The following ZFP64 variants were observed in gnomAD, a reference collection of about 807,000 sequenced individuals.
The protein encoded by ZFP64 is ZFP64 zinc finger protein.
Under a neutral mutation model 51.6 loss-of-function variants are expected in ZFP64, and 14 were observed. The observed-to-expected ratio is 0.27, with a 90% CI of 0.18 to 0.42. ZFP64 has a LOEUF of 0.42. Among genes scored for constraint, ZFP64 ranks in the 10% least tolerant of loss-of-function variants. The pLI, the probability that ZFP64 is intolerant of heterozygous loss-of-function variation, is 1.00. For missense variants in ZFP64, 754 were observed against 906.8 expected (o/e 0.83, Z 2.16); for synonymous variants, 375 against 361.4 (o/e 1.04, Z -0.43).
chr20:52,103,509 C>T (rs887398317), intron 5 of ZFP64, among the ~76,000 whole-genome samples: 11 of 152,186 alleles, frequency 7.2e-5, no homozygotes, highest in Non-Finnish European at 1.5e-4. Context: ...CCTCAGTACT[C>T]CAGGACGCAC....
At chr20:52,097,220 C>T (rs2078998052) in intron 7 of ZFP64, 1 of 881,534 alleles carries the variant, frequency 1.1e-6, no homozygotes, top group Non-Finnish European at 1.9e-6. Flanking sequence ...TGTCACAGCC[C>T]TTTTGCTCCT....
chr20:52,133,566 G>T (rs937141445), intron 5 of ZFP64, among the ~76,000 whole-genome samples: 1 of 152,156 alleles, frequency 6.6e-6, no homozygotes, highest in Non-Finnish European at 1.5e-5. Flanking sequence ...TACGCCAACA[G>T]TGAACAATCT....
At chr20:52,133,227 C>T (rs115523244) in intron 5 of ZFP64, among the ~76,000 whole-genome samples, 9 of 152,068 alleles carry the variant, frequency 5.9e-5, no homozygotes, top group Admixed American at 1.3e-4. Flanking sequence ...TAGCCATATA[C>T]GACAGACCCA....
Position 52,104,570 on chromosome 20 carries a change from G to A in ZFP64, c.764-5983C>T, listed in dbSNP as rs1338779997. 9 of 386,012 alleles carry A rather than the reference G, an allele frequency of 2.3e-5. No individual in the cohort carries two copies. The East Asian group carries it at 5.8e-4, about 25-fold the overall frequency. The allele number at this position is 386,012 out of a possible 1,614,324, so 23.9% of individuals were successfully genotyped here. A position where few individuals can be genotyped will look rare whatever the true frequency, so the allele number is the denominator to read the frequency against. On this transcript the variant is annotated intron_variant, in intron 5 of 8. Transcript: ENST00000361387. ...CCCCATCACCTCTCGGGCCTCCGGT[G>A]ACCTCTCGGGCTACAGCAGCGCTGA...
intron 5 of ZFP64, among the ~76,000 whole-genome samples, chr20:52,108,663 C>T (rs1978383731): frequency 6.6e-6 from 1 of 152,002 alleles, no homozygotes; most frequent in Admixed American, 6.6e-5. Context: ...CAGCCACCAC[C>T]ATGCCCGACA....
rs150924430 is a variant in ZFP64, at chr20:52,179,239, G to A, written c.286+7593C>T. Among the ~76,000 whole-genome samples, 694 of 152,238 alleles carry A rather than the reference G, an allele frequency of 4.6e-3. 8 individuals carry two copies. The highest frequency in any genetic ancestry group is 0.016 in the African/African-American group (664 of 41,534). On this transcript the variant is annotated intron_variant, in intron 2 of 5. Transcript: ENST00000216923. ...GTGCCTTTCACCTTCTGCCATGACT[G>A]TGAGACCTCCCCAGCCATGTGGAAC...
chr20:52,119,377 G>A (rs981239051), intron 5 of ZFP64, among the ~76,000 whole-genome samples: 3 of 151,342 alleles, frequency 2.0e-5, no homozygotes, highest in East Asian at 1.9e-4. Context: ...TTAGCCGGGC[G>A]TGGTGGTGCA....
chr20:52,176,508 T>C (rs1430704717), intron 2 of ZFP64, among the ~76,000 whole-genome samples: 1 of 148,234 alleles, frequency 6.7e-6, no homozygotes, highest in Non-Finnish European at 1.5e-5. Flanking sequence ...AATCTCTCTT[T>C]TTTTTTTTTT....
chr20:52,172,291 C>G (rs537875456), intron 2 of ZFP64, among the ~76,000 whole-genome samples: 1 of 151,892 alleles, frequency 6.6e-6, no homozygotes, highest in South Asian at 2.1e-4. Context: ...AGCTATAGGG[C>G]CTTGACCAAG....
intron 7 of ZFP64, among the ~76,000 whole-genome samples, chr20:52,091,319 G>A (rs1361902306): frequency 2.0e-5 from 3 of 152,088 alleles, no homozygotes; most frequent in African/African-American, 7.2e-5. Flanking sequence ...GCAACACAGG[G>A]AGAGCTCATC....
At chr20:52,127,634 C>A (rs1325730107) in intron 5 of ZFP64, among the ~76,000 whole-genome samples, 1 of 152,140 alleles carries the variant, frequency 6.6e-6, no homozygotes, top group African/African-American at 2.4e-5. Context: ...AAACCTTTTT[C>A]CATTATAAAT....
At chr20:52,113,108 G>T (rs1485551635) in intron 5 of ZFP64, among the ~76,000 whole-genome samples, 1 of 152,070 alleles carries the variant, frequency 6.6e-6, no homozygotes, top group Admixed American at 6.5e-5. Flanking sequence ...TCTGAGGCAG[G>T]CAGATCACGA....
chr20:52,180,646 G>C (rs1425123507), intron 2 of ZFP64, among the ~76,000 whole-genome samples: 1 of 151,882 alleles, frequency 6.6e-6, no homozygotes, highest in African/African-American at 2.4e-5. Flanking sequence ...CAATCCATGG[G>C]CTGTTTTGTT....
At chr20:52,089,431 A>T (rs2122705466) in intron 7 of ZFP64, among the ~76,000 whole-genome samples, 1 of 152,326 alleles carries the variant, frequency 6.6e-6, no homozygotes, top group African/African-American at 2.4e-5. Flanking sequence ...CCACAACCGC[A>T]GAATGTACAA....
At position 52,085,157 on chromosome 20, in the gene ZFP64, G is replaced by A. The variant is rs1373352625; in HGVS notation, c.1338C>T (p.Phe446=). ...CCTTCATGGTGCAGCGGACGTCGCAGAACTCGCACTTGAAAGGCTTCTCCC... is the reference window on the plus strand; with the variant it reads ...CCTTCATGGTGCAGCGGACGTCGCAAAACTCGCACTTGAAAGGCTTCTCCC... The change falls in exon 9 of 9, where the codon TTC becomes TTT. Residue 446 remains phenylalanine (F), a synonymous_variant. Transcript: ENST00000361387. This position sits in a 1 kb window ranked among gnomAD's most constrained non-coding sequence, Gnocchi z 4.3. The A allele has an allele frequency of 1.2e-6, 2 of 1,614,244 alleles. No homozygotes were observed. The highest frequency in any genetic ancestry group is 1.3e-5 in the African/African-American group (1 of 75,070).
intron 2 of ZFP64, among the ~76,000 whole-genome samples, chr20:52,181,155 G>T (rs1371367922): frequency 6.6e-6 from 1 of 152,034 alleles, no homozygotes; most frequent in Non-Finnish European, 1.5e-5. Flanking sequence ...CATTGGCCAG[G>T]CTGGTCTCGA....
chr20:52,084,195 T>C (rs1216984725), exon 9 of ZFP64: 1 of 224,052 alleles, frequency 4.5e-6, no homozygotes, highest in Non-Finnish European at 8.7e-6. Context: ...TTTAGTTTTC[T>C]ATATCGTCTA....
At chr20:52,112,106 A>C (rs1484923319) in intron 5 of ZFP64, among the ~76,000 whole-genome samples, 1 of 151,258 alleles carries the variant, frequency 6.6e-6, no homozygotes, top group African/African-American at 2.4e-5. Context: ...AAAAACAAAA[A>C]AAAAACAAGA....
chr20:52,153,759 A>G lies in ZFP64; in HGVS notation c.764-331T>C, dbSNP rs545884278. Reference sequence around the variant, plus strand: ...TATCTTTCATACAGTTAATTTGCCCACTCTGCTAGTTAATGGTTCACAGTT... The same window carrying G: ...TATCTTTCATACAGTTAATTTGCCCGCTCTGCTAGTTAATGGTTCACAGTT... On this transcript the variant is annotated intron_variant, in intron 5 of 5. Coordinates refer to ENST00000216923, the MANE Select transcript of ZFP64 (RefSeq NM_018197.3). The surrounding 1 kb of genome is among the most constrained non-coding windows in gnomAD (Gnocchi z 5.1). 7.2e-5 allele frequency among the ~76,000 whole-genome samples: 11 copies of G among 152,296 alleles called. No individual in the cohort carries two copies. In the East Asian group the frequency reaches 2.1e-3, roughly 29 times the overall value.
Sources: allele counts gnomAD v4.1 joint callset (sites outside exome capture counted in the v4.1 genomes callset), GRCh38; gene constraint gnomAD v4.1.1; non-coding constraint Gnocchi (gnomAD v3.1); transcripts MANE v1.5; gene names NCBI Gene and HGNC (gene_info 2026-07-23, HGNC 2026-07-21).